CELF2: variants seen among roughly 807,000 people sequenced by gnomAD.
The protein encoded by CELF2 is CUG triplet repeat RNA-binding protein 2.
CELF2 carries 8 observed loss-of-function variants against 62.6 expected under a neutral mutation model. That is an observed-to-expected ratio of 0.13 (90% CI 0.07 to 0.23). The LOEUF is 0.23. Ranked by LOEUF, CELF2 falls within the 10% of genes least tolerant of loss-of-function variation. The probability of loss-of-function intolerance (pLI) is 1.00; values close to 1 mark genes in which losing one functional copy is unlikely to be tolerated. For synonymous variants in CELF2, 258 were observed against 250.0 expected, an observed-to-expected ratio of 1.03 and a Z score of -0.30; for missense variants, 333 against 671.0, an observed-to-expected ratio of 0.50 and a Z score of 5.56.
intron 7 of CELF2, among the ~76,000 whole-genome samples, chr10:11,273,728 T>G (rs1164899094): frequency 1.4e-5 from 2 of 142,998 alleles, no homozygotes; most frequent in Non-Finnish European, 3.1e-5. Context: ...TTTTTGTTTT[T>G]TTGTTTTTTT....
rs1295541148 is a variant in CELF2, at chr10:11,157,798, G to A, written c.75-7688G>A. Among the ~76,000 whole-genome samples the A allele has an allele frequency of 6.6e-6, 1 of 152,204 alleles. No individual in the cohort carries two copies. Among genetic ancestry groups the A allele is most frequent in the Admixed American group, 6.5e-5 (1 of 15,278 alleles). ...CACCCAGGCTTCTGAAGTGTGTAGAGAGGGTTGTGAATCCGCACTGACCGT... is the reference window on the plus strand; with the variant it reads ...CACCCAGGCTTCTGAAGTGTGTAGAAAGGGTTGTGAATCCGCACTGACCGT... On this transcript the variant is annotated intron_variant, in intron 1 of 12. Transcript: ENST00000633077. This position sits in a 1 kb window ranked among gnomAD's most constrained non-coding sequence, Gnocchi z 4.9.
At chr10:10,824,628 G>T (rs901828795) in intron 1 of CELF2, among the ~76,000 whole-genome samples, 2 of 152,082 alleles carry the variant, frequency 1.3e-5, no homozygotes, top group African/African-American at 4.8e-5. Context: ...CATACTTTTG[G>T]TAAGAATACA....
intron 2 of CELF2, among the ~76,000 whole-genome samples, chr10:11,166,006 C>G (rs1040613879): frequency 6.6e-6 from 1 of 152,234 alleles, no homozygotes; most frequent in Non-Finnish European, 1.5e-5. Flanking sequence ...GTTGCTTCTC[C>G]GAGGAATCGC....
At chr10:10,699,426 G>A in the CELF2 span, among the ~76,000 whole-genome samples, 2 of 152,210 alleles carry the variant, frequency 1.3e-5, no homozygotes, top group Non-Finnish European at 2.9e-5. Context: ...CACAGTTTTT[G>A]TCCTTGTAGA....
the CELF2 span, among the ~76,000 whole-genome samples, chr10:10,701,441 C>T: frequency 6.6e-6 from 1 of 152,240 alleles, no homozygotes; most frequent in Non-Finnish European, 1.5e-5. Flanking sequence ...CCATCACTCT[C>T]TTATCACCCA....
rs568594298 is a variant in CELF2, at chr10:10,936,967, A to G, written c.89+16968A>G. Among the ~76,000 whole-genome samples the G allele has an allele frequency of 1.3e-5, 2 of 152,248 alleles. No individual in the cohort carries two copies. The highest frequency in any genetic ancestry group is 4.8e-5 in the African/African-American group (2 of 41,548). ...AAACGACTACAGAGCCACCAGTCCC[A>G]TCTTTGAAAGAAGTAACCGACACTT... On this transcript the variant is annotated intron_variant, in intron 2 of 13. Coordinates refer to the CELF2 transcript ENST00000636488. This position sits in a 1 kb window ranked among gnomAD's most constrained non-coding sequence, Gnocchi z 4.0.
In CELF2 at chr10:11,285,826, GGTGTGTGTGTGTGTGTGTGTGT is replaced by G. The variant is rs71378788; in HGVS notation, c.842-2561_842-2540del. On this transcript the variant is annotated intron_variant, in intron 8 of 12. Coordinates refer to ENST00000633077, the MANE Select transcript of CELF2 (RefSeq NM_001326342.2). This position sits in a 1 kb window ranked among gnomAD's most constrained non-coding sequence, Gnocchi z 4.3. Reference sequence around the variant, plus strand: ...TTGCTCATCACCTACTATATATATTGGTGTGTGTGTGTGTGTGTGTGTGTGTGTGTGTGTGTGTGTGTGTGTG... The same window carrying G: ...TTGCTCATCACCTACTATATATATTGGTGTGTGTGTGTGTGTGTGTGTGTG... Among the ~76,000 whole-genome samples, 904 of 128,790 alleles carry G rather than the reference GGTGTGTGTGTGTGTGTGTGTGT, an allele frequency of 7.0e-3. 15 individuals are homozygous for G. Among genetic ancestry groups the G allele is most frequent in the East Asian group, 0.047 (149 of 3,156 alleles). 84.5% of individuals were successfully genotyped at this position (128,790 alleles called of 152,430 possible).
At chr10:11,013,556 A>G (rs1662970155), upstream of CELF2, among the ~76,000 whole-genome samples, 1 of 152,194 alleles carries the variant, frequency 6.6e-6, no homozygotes. This position sits in a 1 kb window ranked among gnomAD's most constrained non-coding sequence, Gnocchi z 4.1. Context: ...TATGAAAAAC[A>G]GCTTCAGAAA....
the CELF2 span, among the ~76,000 whole-genome samples, chr10:10,492,344 G>A: frequency 2.5e-3 from 388 of 152,276 alleles, 3 homozygotes; most frequent in African/African-American, 8.8e-3. Flanking sequence ...ATAGCAATAG[G>A]AGATATACCT....
intron 1 of CELF2, among the ~76,000 whole-genome samples, chr10:11,052,638 T>G (rs1268540786): frequency 6.6e-6 from 1 of 152,262 alleles, no homozygotes; most frequent in Non-Finnish European, 1.5e-5. Context: ...TTGTGTTTAG[T>G]TGGCACTTCT....
At chr10:10,721,332 C>G in the CELF2 span, among the ~76,000 whole-genome samples, 1 of 151,936 alleles carries the variant, frequency 6.6e-6, no homozygotes, top group East Asian at 1.9e-4. Flanking sequence ...TGCATTTTAC[C>G]CCTGTTAATC....
At chr10:10,887,762 G>A (rs2061854437) in intron 1 of CELF2, among the ~76,000 whole-genome samples, 2 of 151,390 alleles carry the variant, frequency 1.3e-5, no homozygotes, top group African/African-American at 4.8e-5. Context: ...CAATTGTTCT[G>A]TGTAGACTTT....
In CELF2 at chr10:11,311,486, G is replaced by A. The variant is rs2140462783; in HGVS notation, c.977-2653G>A. Among the ~76,000 whole-genome samples the A allele has an allele frequency of 6.6e-6, 1 of 152,242 alleles. No homozygotes were observed. Among genetic ancestry groups the A allele is most frequent in the East Asian group, 1.9e-4 (1 of 5,182 alleles). The stretch of plus-strand genomic sequence containing the variant: ...TACAAGTAAACCAAGCACCAAGAGT[G>A]AGAAATAGCAGGGACATTATTAGAC... On this transcript the variant is annotated intron_variant, in intron 9 of 12. Coordinates refer to ENST00000633077, the MANE Select transcript of CELF2 (RefSeq NM_001326342.2). This position sits in a 1 kb window ranked among gnomAD's most constrained non-coding sequence, Gnocchi z 4.7.
rs777861092 is a variant in CELF2 at position 11,320,939 on chromosome 10, G to C, written c.1097-250G>C. 22 of 1,545,928 alleles carry C rather than the reference G, an allele frequency of 1.4e-5. No individual in the cohort carries two copies. In the Admixed American group the frequency reaches 4.2e-4, roughly 29 times the overall value. ...ACGCTGCATGGCATTGAGCTGTCTC[G>C]TCTAACTCGTGCCACAGTGCATTTG... is the stretch of plus-strand genomic sequence containing the variant. On this transcript the variant is annotated intron_variant, in intron 10 of 12. Coordinates refer to ENST00000633077, the MANE Select transcript of CELF2 (RefSeq NM_001326342.2).
chr10:11,257,568 C>A, intron 4 of CELF2, 170 bp from the exon 5 acceptor site: 1 of 608,650 alleles, frequency 1.6e-6, no homozygotes, highest in Non-Finnish European at 2.9e-6. Context: ...GAGGGAGTGG[C>A]AGGGTGGGGC....
chr10:10,702,817 C>A, the CELF2 span, among the ~76,000 whole-genome samples: 5 of 152,246 alleles, frequency 3.3e-5, no homozygotes, highest in African/African-American at 9.6e-5. Flanking sequence ...AACTCCTGAC[C>A]TCATGGTTCA....
the CELF2 span, among the ~76,000 whole-genome samples, chr10:10,764,214 A>G: frequency 5.3e-5 from 8 of 152,246 alleles, no homozygotes; most frequent in East Asian, 1.9e-4. Context: ...GCATTGACAA[A>G]GTCCCAATAA....
intron 1 of CELF2, among the ~76,000 whole-genome samples, chr10:10,814,085 A>G (rs1371834847): frequency 6.6e-6 from 1 of 151,856 alleles, no homozygotes. Context: ...CAGCACCTCT[A>G]CTCTCTAGCA....
Position 11,270,628 on chromosome 10 carries a change from G to A in CELF2, c.619-38G>A. 7.2e-7 allele frequency: 1 copy of A among 1,389,680 alleles called. No individual in the cohort carries two copies. The highest frequency in any genetic ancestry group is 9.4e-7 in the Non-Finnish European group (1 of 1,058,718). The allele number at this position is 1,389,680 out of a possible 1,614,324, so 86.1% of individuals were successfully genotyped here. ...TGTCGTGAGCGGATTCCGCCAGCCT[G>A]TAACCCCCTCTCCACTTTCCAATGT... On this transcript the variant is annotated intron_variant, in intron 6 of 12. Coordinates refer to ENST00000633077, the MANE Select transcript of CELF2 (RefSeq NM_001326342.2). This position sits in a 1 kb window ranked among gnomAD's most constrained non-coding sequence, Gnocchi z 5.8.
Sources: allele counts gnomAD v4.1 joint callset (sites outside exome capture counted in the v4.1 genomes callset), GRCh38; gene constraint gnomAD v4.1.1; non-coding constraint Gnocchi (gnomAD v3.1); transcripts MANE v1.5; gene names NCBI Gene and HGNC (gene_info 2026-07-23, HGNC 2026-07-21).